Variants in PDE1A observed in about 807,000 individuals in gnomAD.
PDE1A encodes dual specificity calcium/calmodulin-dependent 3',5'-cyclic nucleotide phosphodiesterase 1A.
PDE1A carries 35 observed loss-of-function variants against 61.7 expected under a neutral mutation model. The ratio of observed to expected loss-of-function variants is 0.57; its 90% confidence interval spans 0.43 to 0.75. The LOEUF is 0.75. Among genes scored for constraint, PDE1A ranks in the 30% least tolerant of loss-of-function variants. The pLI is 0.00. For missense variants in PDE1A, 597 were observed against 630.6 expected (o/e 0.95, Z 0.57); for synonymous variants, 232 against 213.2 (o/e 1.09, Z -0.77).
intron 1 of PDE1A, among the ~76,000 whole-genome samples, chr2:182,299,607 C>T (rs1041857747): frequency 1.3e-5 from 2 of 151,506 alleles, no homozygotes; most frequent in African/African-American, 4.9e-5. Context: ...TCAAATACTA[C>T]AAATTTAATG....
At chr2:182,534,581 T>C in the PDE1A span, among the ~76,000 whole-genome samples, 1 of 151,772 alleles carries the variant, frequency 6.6e-6, no homozygotes, top group Non-Finnish European at 1.5e-5. Flanking sequence ...TGAATTTTTG[T>C]ACCACTTTAA....
chr2:182,674,709 G>A, the PDE1A span, among the ~76,000 whole-genome samples: 2 of 152,000 alleles, frequency 1.3e-5, no homozygotes, highest in African/African-American at 4.8e-5. Flanking sequence ...TCAAAGTCAT[G>A]TGCCTGAAGA....
At chr2:182,355,756 C>A (rs1268249568) in intron 1 of PDE1A, among the ~76,000 whole-genome samples, 2 of 152,086 alleles carry the variant, frequency 1.3e-5, no homozygotes, top group Non-Finnish European at 2.9e-5. Flanking sequence ...GTTTCTATGA[C>A]AACTCATAAT....
the PDE1A span, among the ~76,000 whole-genome samples, chr2:182,700,747 GAAAAGA>G: frequency 1.9e-3 from 147 of 78,064 alleles, no homozygotes; most frequent in African/African-American, 5.7e-3. Flanking sequence ...AAAACAGAAA[GAAAAGA>G]AAAAGAAAAA....
At chr2:182,685,897 G>A in the PDE1A span, among the ~76,000 whole-genome samples, 1 of 152,130 alleles carries the variant, frequency 6.6e-6, no homozygotes, top group African/African-American at 2.4e-5. Context: ...TCCCTGCCAA[G>A]ATAATATGCA....
At chr2:182,445,191 C>T (rs559336089) in intron 2 of PDE1A, among the ~76,000 whole-genome samples, 1 of 152,194 alleles carries the variant, frequency 6.6e-6, no homozygotes, top group South Asian at 2.1e-4. Context: ...ACACCATTTA[C>T]TGAAAATATA....
At chr2:182,604,790 G>A in the PDE1A span, among the ~76,000 whole-genome samples, 2 of 152,068 alleles carry the variant, frequency 1.3e-5, no homozygotes, top group South Asian at 4.1e-4. Context: ...AGTTTTGAAA[G>A]CCAGGTTATA....
At chr2:182,201,620 T>A in intron 9 of PDE1A, 61 bp from the exon 10 acceptor site, 1 of 1,456,894 alleles carries the variant, frequency 6.9e-7, no homozygotes, top group Non-Finnish European at 9.4e-7. Context: ...CAGTCTTTTC[T>A]GAGGCCAAGC....
At chr2:182,668,873 C>T in the PDE1A span, among the ~76,000 whole-genome samples, 249 of 152,280 alleles carry the variant, frequency 1.6e-3, 5 homozygotes, top group East Asian at 0.04. Context: ...TCGTGCGAGC[C>T]GGTGGCAGCA....
intron 1 of PDE1A, among the ~76,000 whole-genome samples, chr2:182,332,479 T>G (rs1017324017): frequency 6.6e-6 from 1 of 152,206 alleles, no homozygotes; most frequent in Non-Finnish European, 1.5e-5. Flanking sequence ...TTTTTCCTCA[T>G]CTTCATGGAT....
chr2:182,364,469 A>AAAAAAAAAC (rs1699706742), intron 1 of PDE1A, among the ~76,000 whole-genome samples: 1 of 117,474 alleles, frequency 8.5e-6, no homozygotes, highest in Non-Finnish European at 1.8e-5. Flanking sequence ...ACTTTGGTAA[A>AAAAAAAAAC]AAAAAAAAAA....
At chr2:182,451,706 C>T (rs1333172340) in intron 2 of PDE1A, among the ~76,000 whole-genome samples, 1 of 152,098 alleles carries the variant, frequency 6.6e-6, no homozygotes, top group African/African-American at 2.4e-5. Context: ...GTTGCTTAAA[C>T]TTTTGATGGT....
chr2:182,447,801 G>GAATT, intron 2 of PDE1A, among the ~76,000 whole-genome samples: 1 of 152,062 alleles, frequency 6.6e-6, no homozygotes, highest in East Asian at 1.9e-4. Flanking sequence ...AGTGATTTCT[G>GAATT]AATTAATTAA....
chr2:182,520,255 G>A (rs1038490890), intron 2 of PDE1A, among the ~76,000 whole-genome samples: 4 of 151,912 alleles, frequency 2.6e-5, no homozygotes, highest in African/African-American at 4.8e-5. Context: ...AGAGTTTCTC[G>A]CTTTGACAAT....
At chr2:182,628,420 A>G in the PDE1A span, among the ~76,000 whole-genome samples, 22 of 152,238 alleles carry the variant, frequency 1.4e-4, no homozygotes, top group Non-Finnish European at 2.9e-4. Context: ...GTTTAACTAG[A>G]GTTCTTTTCC....
intron 2 of PDE1A, among the ~76,000 whole-genome samples, chr2:182,506,979 G>A (rs1034332074): frequency 1.1e-4 from 17 of 152,346 alleles, no homozygotes; most frequent in Admixed American, 2.0e-4. Context: ...GTACACAGCT[G>A]CTGAAGGAGC....
chr2:182,561,551 T>C, the PDE1A span, among the ~76,000 whole-genome samples: 2 of 152,168 alleles, frequency 1.3e-5, no homozygotes, highest in Non-Finnish European at 2.9e-5. Flanking sequence ...TCTTTTTTGG[T>C]TCCATATGAA....
At chr2:182,587,554 T>C in the PDE1A span, among the ~76,000 whole-genome samples, 1 of 152,196 alleles carries the variant, frequency 6.6e-6, no homozygotes, top group African/African-American at 2.4e-5. Flanking sequence ...TATAACTAAG[T>C]GGGGTACCAA....
At chr2:182,300,273 T>C (rs1415685334) in intron 1 of PDE1A, among the ~76,000 whole-genome samples, 2 of 152,184 alleles carry the variant, frequency 1.3e-5, no homozygotes, top group Middle Eastern at 3.2e-3. Context: ...GCTTCAGGAA[T>C]AGGTAGACTA....
Sources: allele counts gnomAD v4.1 joint callset (sites outside exome capture counted in the v4.1 genomes callset), GRCh38; gene constraint gnomAD v4.1.1; transcripts MANE v1.5; gene names NCBI Gene and HGNC (gene_info 2026-07-23, HGNC 2026-07-21).